The following CRISPLD2 variants were observed in gnomAD, a reference collection of about 807,000 sequenced individuals.
CRISPLD2 encodes cysteine rich secretory protein LCCL domain containing 2.
CRISPLD2 carries 47 observed loss-of-function variants against 71.1 expected under a neutral mutation model. That is an observed-to-expected ratio of 0.66 (90% CI 0.52 to 0.84). CRISPLD2 has a LOEUF of 0.84. Ranked by LOEUF, CRISPLD2 falls within the 40% of genes least tolerant of loss-of-function variation. CRISPLD2 has a pLI of 0.00. For missense variants in CRISPLD2, 830 were observed against 651.1 expected, an observed-to-expected ratio of 1.27 and a Z score of -2.99; for synonymous variants, 317 against 250.1, an observed-to-expected ratio of 1.27 and a Z score of -2.52.
At chr16:84,854,902 A>G in intron 6 of CRISPLD2, 73 bp downstream of exon 6, 1 of 1,186,522 alleles carries the variant, frequency 8.4e-7, no homozygotes, top group Non-Finnish European at 1.3e-6. Flanking sequence ...CGTTACATGA[A>G]ACAGGGGAAT....
At chr16:84,823,038 A>G (rs748890731) in intron 1 of CRISPLD2, among the ~76,000 whole-genome samples, 4 of 152,128 alleles carry the variant, frequency 2.6e-5, no homozygotes, top group Non-Finnish European at 5.9e-5. Flanking sequence ...TCCTCCCTTC[A>G]GCCGCTCATC....
chr16:84,906,492 A>C (rs2071803457), intron 14 of CRISPLD2, 96 bp from the exon 15 acceptor site: 3 of 1,295,088 alleles, frequency 2.3e-6, no homozygotes, highest in African/African-American at 1.5e-5. Flanking sequence ...CTACGGGAGC[A>C]AGCAGGAGGC....
intron 11 of CRISPLD2, among the ~76,000 whole-genome samples, chr16:84,875,345 GC>G (rs924691013): frequency 4.7e-5 from 7 of 149,924 alleles, no homozygotes; most frequent in African/African-American, 1.7e-4. Context: ...GCTGCATGTA[GC>G]CCAGGACGAC....
chr16:84,834,939 G>C (rs1265923378), intron 1 of CRISPLD2, among the ~76,000 whole-genome samples: 1 of 152,096 alleles, frequency 6.6e-6, no homozygotes, highest in Admixed American at 6.5e-5. Flanking sequence ...CAAATACATT[G>C]CATTTGGAGG....
At chr16:84,871,337 C>T (rs2071467447) in intron 8 of CRISPLD2, among the ~76,000 whole-genome samples, 2 of 152,096 alleles carry the variant, frequency 1.3e-5, no homozygotes, top group Admixed American at 6.5e-5. Context: ...GGGTGGATTG[C>T]TTGAGCCCAG....
At chr16:84,873,845 C>A (rs559184525) in intron 10 of CRISPLD2, 75 bp from the exon 11 acceptor site, 2 of 1,340,996 alleles carry the variant, frequency 1.5e-6, no homozygotes, top group East Asian at 2.3e-5. Context: ...AGTATAGGAG[C>A]AAGCGTTCAC....
At chr16:84,824,068 A>G (rs1422639842) in intron 1 of CRISPLD2, among the ~76,000 whole-genome samples, 7 of 152,110 alleles carry the variant, frequency 4.6e-5, no homozygotes, top group Admixed American at 3.9e-4. Context: ...GAAGAGCCTG[A>G]TAACGCCTAG....
intron 1 of CRISPLD2, chr16:84,828,965 C>G (rs2143143845): frequency 6.6e-6 from 1 of 152,156 alleles, no homozygotes; most frequent in East Asian, 1.9e-4. Context: ...GTCCCAGCTA[C>G]TCGGGAGGCT....
At position 84,899,563 on chromosome 16, in the gene CRISPLD2, C is replaced by T. The variant is rs377410288; in HGVS notation, c.1440-7025C>T. Reference sequence around the variant, plus strand: ...AACCTGCGGGAATTTTTACCTGTGGCGGTGGATGGCACCAACAGTTGATGC... The same window carrying T: ...AACCTGCGGGAATTTTTACCTGTGGTGGTGGATGGCACCAACAGTTGATGC... On this transcript the variant is annotated intron_variant, in intron 14 of 14. Coordinates refer to ENST00000262424, the MANE Select transcript of CRISPLD2 (RefSeq NM_031476.4). 4.1e-4 allele frequency among the ~76,000 whole-genome samples: 62 copies of T among 152,254 alleles called. No individual in the cohort carries two copies. In the East Asian group the frequency reaches 6.4e-3, roughly 16 times the overall value.
intron 14 of CRISPLD2, among the ~76,000 whole-genome samples, chr16:84,902,556 G>T (rs1381196062): frequency 6.6e-6 from 1 of 151,334 alleles, no homozygotes; most frequent in Non-Finnish European, 1.5e-5. Context: ...GTTGCAGTGA[G>T]CAGAGATCAC....
rs373648189 is a variant in CRISPLD2 at position 84,866,931 on chromosome 16, G to A, written c.744G>A (p.Glu248=). The change falls in exon 7 of 15, where the codon GAG becomes GAA. Residue 248 remains glutamate, a synonymous_variant. Transcript: ENST00000262424. ...ETYTPKPETD[E]MNEVETAPIP... ...ACACTCCAAAACCTGAAACGGACGA[G>A]ATGAATGAGGTGGAAACGGCTCCCA... The A allele has an allele frequency of 2.5e-6, 4 of 1,613,956 alleles. No individual in the cohort carries two copies. In the African/African-American group the frequency reaches 5.3e-5, roughly 22 times the overall value.
chr16:84,833,765 G>A (rs929363802), intron 1 of CRISPLD2, among the ~76,000 whole-genome samples: 7 of 152,130 alleles, frequency 4.6e-5, no homozygotes, highest in Admixed American at 2.0e-4. Flanking sequence ...ACCATGATGC[G>A]AGGGTCTCCG....
rs115902965 is a variant in CRISPLD2, at chr16:84,832,551, C to T, written c.-74-5871C>T. Among the ~76,000 whole-genome samples, 6 of 152,368 alleles carry T rather than the reference C, an allele frequency of 3.9e-5. No homozygotes were observed. In the South Asian group the frequency reaches 6.2e-4, roughly 16 times the overall value. ...CGACGCTTCGGCGGTGAACGAGACCCGCAGGTCTGCGGTGTGATTACACTG... is the reference window on the plus strand; with the variant it reads ...CGACGCTTCGGCGGTGAACGAGACCTGCAGGTCTGCGGTGTGATTACACTG... On this transcript the variant is annotated intron_variant, in intron 1 of 14. Transcript: ENST00000262424.
chr16:84,858,037 G>T (rs1050945236), intron 6 of CRISPLD2, among the ~76,000 whole-genome samples: 2 of 152,164 alleles, frequency 1.3e-5, no homozygotes, highest in Non-Finnish European at 2.9e-5. Flanking sequence ...CCAGTAACAG[G>T]CCAAGAGCTG....
chr16:84,859,788 G>A (rs1032010519), intron 6 of CRISPLD2, among the ~76,000 whole-genome samples: 2 of 152,190 alleles, frequency 1.3e-5, no homozygotes, highest in Non-Finnish European at 1.5e-5. Flanking sequence ...CTTTGCCTCT[G>A]CTGTCCATTA....
chr16:84,886,009 C>T (rs985406776), intron 13 of CRISPLD2, among the ~76,000 whole-genome samples: 1 of 151,830 alleles, frequency 6.6e-6, no homozygotes, highest in Non-Finnish European at 1.5e-5. Context: ...TTTGTAGAGA[C>T]CAGATCTCGC....
intron 6 of CRISPLD2, 42 bp from the exon 7 acceptor site, chr16:84,866,855 A>G (rs748954860): frequency 1.9e-6 from 3 of 1,591,070 alleles, no homozygotes; most frequent in Admixed American, 3.4e-5. Context: ...TTTTTGTTGA[A>G]TCCCAGTGTG....
intron 14 of CRISPLD2, among the ~76,000 whole-genome samples, chr16:84,893,595 C>T (rs2071681332): frequency 6.6e-6 from 1 of 152,216 alleles, no homozygotes; most frequent in South Asian, 2.1e-4. Context: ...GGACACAGTG[C>T]AGAAATGACA....
chr16:84,900,322 C>G (rs1412040327), intron 14 of CRISPLD2, among the ~76,000 whole-genome samples: 1 of 152,126 alleles, frequency 6.6e-6, no homozygotes, highest in African/African-American at 2.4e-5. Context: ...CCTGAGAGGG[C>G]CGGGGTCTCC....
Sources: allele counts gnomAD v4.1 joint callset (sites outside exome capture counted in the v4.1 genomes callset), GRCh38; gene constraint gnomAD v4.1.1; transcripts MANE v1.5; gene names NCBI Gene and HGNC (gene_info 2026-07-23, HGNC 2026-07-21).